The following U2SURP variants were observed in gnomAD, a reference collection of about 807,000 sequenced individuals.
The protein encoded by U2SURP is U2 snRNP associated SURP domain containing, also known as U2 snRNP-associated SURP motif-containing protein.
In U2SURP, 9 loss-of-function variants were observed where a neutral mutation model predicts 144.9. The ratio of observed to expected loss-of-function variants is 0.06; its 90% CI spans 0.04 to 0.11. The LOEUF is 0.11. U2SURP is among the 10% of genes least tolerant of loss of function. The pLI, the probability that U2SURP is intolerant of heterozygous loss-of-function variation, is 1.00. For missense variants in U2SURP, 724 were observed against 1,226.7 expected, an observed-to-expected ratio of 0.59 and a Z score of 6.12; for synonymous variants, 408 against 396.8, an observed-to-expected ratio of 1.03 and a Z score of -0.33.
At chr3:143,034,663 A>ATT (rs1458813986) in intron 18 of U2SURP, 2 of 387,528 alleles carry the variant, frequency 5.2e-6, no homozygotes, top group African/African-American at 4.2e-5. Flanking sequence ...TCGTAAAGGG[A>ATT]ACTAGTAGGG....
rs773941962 is a variant in U2SURP, at chr3:143,036,119, TTTGTCTG to T, written c.2064+16_2064+22del. The T allele has an allele frequency of 5.7e-6, 9 of 1,584,684 alleles. No individual in the cohort carries two copies. In the African/African-American group the frequency reaches 1.1e-4, roughly 19 times the overall value. On this transcript the variant is annotated intron_variant, in intron 20 of 27. Coordinates refer to ENST00000473835, the MANE Select transcript of U2SURP (RefSeq NM_001080415.2). ...AGGAAACAGAGGTAGGCAGTCTGTA[TTTGTCTG>T]GTTGTTTTTAAAATTCGTTTCTGGG... is the stretch of plus-strand genomic sequence containing the variant.
intron 12 of U2SURP, among the ~76,000 whole-genome samples, chr3:143,023,692 T>G (rs923253742): frequency 2.6e-5 from 4 of 152,204 alleles, no homozygotes; most frequent in Non-Finnish European, 5.9e-5. Context: ...ATTAAAATCT[T>G]TATCTGATAA....
intron 13 of U2SURP, chr3:143,026,894 A>G (rs1445841096): frequency 1.5e-5 from 4 of 270,540 alleles, no homozygotes; most frequent in Non-Finnish European, 2.8e-5. Flanking sequence ...AAAATTAAAT[A>G]TTACTATGAG....
rs1935186628 is a variant in U2SURP, at chr3:143,057,115, T to G, written c.*665T>G. On this transcript the variant is annotated 3_prime_UTR_variant, in exon 28 of 28. Coordinates refer to ENST00000473835, the MANE Select transcript of U2SURP (RefSeq NM_001080415.2). Reference sequence around the variant, plus strand: ...AGGTAGATATGGCATGGCGTTTTGTTAGTGGAATGCCTGGCTAAAACATTT... The same window carrying G: ...AGGTAGATATGGCATGGCGTTTTGTGAGTGGAATGCCTGGCTAAAACATTT... The G allele has an allele frequency of 6.6e-6, 1 of 152,436 alleles. No individual in the cohort carries two copies. Among genetic ancestry groups the G allele is most frequent in the Non-Finnish European group, 1.5e-5 (1 of 67,928 alleles). The allele number at this position is 152,436 out of a possible 1,614,324, so 9.4% of individuals were successfully genotyped here. A position where few individuals can be genotyped will look rare whatever the true frequency, so the allele number is the denominator to read the frequency against.
chr3:143,053,876 C>T, intron 26 of U2SURP, 82 bp downstream of exon 26: 1 of 1,138,250 alleles, frequency 8.8e-7, no homozygotes, highest in East Asian at 2.6e-5. Flanking sequence ...TCATTGATGC[C>T]CGCAAACTGG....
At chr3:143,032,004 T>G (rs1343037506) in intron 16 of U2SURP, among the ~76,000 whole-genome samples, 1 of 152,188 alleles carries the variant, frequency 6.6e-6, no homozygotes, top group Non-Finnish European at 1.5e-5. Flanking sequence ...GTTGTCTGGC[T>G]GCTTTGGTGC....
chr3:143,052,593 A>C (rs1934943490), intron 25 of U2SURP, among the ~76,000 whole-genome samples: 2 of 152,176 alleles, frequency 1.3e-5, no homozygotes, highest in South Asian at 2.1e-4. Context: ...ACAGCCATGC[A>C]CCTTGACTTA....
intron 2 of U2SURP, chr3:143,011,807 G>A (rs967954020): frequency 2.2e-5 from 8 of 362,728 alleles, no homozygotes; most frequent in South Asian, 4.2e-5. Context: ...TAAGAAGTAC[G>A]TATAACACTT....
chr3:143,032,451 G>A (rs781588264), intron 16 of U2SURP, among the ~76,000 whole-genome samples: 8 of 152,198 alleles, frequency 5.3e-5, no homozygotes, highest in Non-Finnish European at 1.0e-4. Flanking sequence ...TTCAAAGAAG[G>A]GGAGTAAAGA....
intron 13 of U2SURP, among the ~76,000 whole-genome samples, chr3:143,024,297 G>C (rs1390944116): frequency 1.3e-5 from 2 of 152,112 alleles, no homozygotes; most frequent in East Asian, 3.9e-4. Flanking sequence ...TCAGACAATA[G>C]ACTATTGTCA....
intron 6 of U2SURP, among the ~76,000 whole-genome samples, chr3:143,018,422 A>G (rs1284202805): frequency 6.6e-6 from 1 of 152,194 alleles, no homozygotes; most frequent in East Asian, 1.9e-4. Context: ...TGGACATACC[A>G]TATATTGTTT....
At chr3:143,006,385 G>A (rs1185400092) in intron 1 of U2SURP, among the ~76,000 whole-genome samples, 1 of 152,198 alleles carries the variant, frequency 6.6e-6, no homozygotes, top group Non-Finnish European at 1.5e-5. Flanking sequence ...GTTCTGACAA[G>A]TCAAGTATAT....
rs1935333342 is a variant in U2SURP at position 143,060,690 on chromosome 3, T to C, written c.*4240T>C. 1 of 152,008 alleles carries C rather than the reference T, an allele frequency of 6.6e-6. No individual in the cohort carries two copies. The highest frequency in any genetic ancestry group is 2.4e-5 in the African/African-American group (1 of 41,444). The allele number at this position is 152,008 out of a possible 1,614,324, so 9.4% of individuals were successfully genotyped here. A position where few individuals can be genotyped will look rare whatever the true frequency, so the allele number is the denominator to read the frequency against. On this transcript the variant is annotated 3_prime_UTR_variant, in exon 28 of 28. Coordinates refer to ENST00000473835, the MANE Select transcript of U2SURP (RefSeq NM_001080415.2). Reference sequence around the variant, plus strand: ...TGGCTAAAATGTTACACTTTACATGTTTAAACTATAATCATATGTTTTCAT... The same window carrying C: ...TGGCTAAAATGTTACACTTTACATGCTTAAACTATAATCATATGTTTTCAT...
chr3:143,055,168 C>A, intron 27 of U2SURP, 49 bp downstream of exon 27: 3 of 1,404,670 alleles, frequency 2.1e-6, no homozygotes, highest in Non-Finnish European at 2.9e-6. Flanking sequence ...GTTTCCTTGT[C>A]ATTTCATCAG....
chr3:143,051,063 A>G lies in U2SURP; in HGVS notation c.2655+14A>G. On this transcript the variant is annotated intron_variant, in intron 25 of 27. Coordinates refer to ENST00000473835, the MANE Select transcript of U2SURP (RefSeq NM_001080415.2). The stretch of plus-strand genomic sequence containing the variant: ...CTTCTTCAACGAGTAAGGAATAAGT[A>G]TACCCAATAATACACATATTTTGAA... 7.0e-7 allele frequency: 1 copy of G among 1,426,430 alleles called. No homozygotes were observed. Among genetic ancestry groups the G allele is most frequent in the Non-Finnish European group, 9.7e-7 (1 of 1,026,676 alleles). 88.4% of individuals were successfully genotyped at this position (1,426,430 alleles called of 1,614,324 possible).
chr3:143,049,588 T>C (rs1439450298), intron 24 of U2SURP, among the ~76,000 whole-genome samples: 3 of 152,168 alleles, frequency 2.0e-5, no homozygotes, highest in African/African-American at 7.2e-5. Flanking sequence ...TGGAGGATCT[T>C]CCAGGTCCTC....
chr3:143,012,184 G>A (rs755445739), intron 2 of U2SURP, 38 bp from the exon 3 acceptor site: 10 of 1,600,002 alleles, frequency 6.2e-6, no homozygotes, highest in Admixed American at 1.7e-5. Flanking sequence ...GTATATATGT[G>A]TGGTTTGTTT....
At chr3:143,036,200 C>T in intron 20 of U2SURP, 96 bp downstream of exon 20, 2 of 1,315,780 alleles carry the variant, frequency 1.5e-6, no homozygotes, top group South Asian at 2.2e-5. Flanking sequence ...AGGTACATTT[C>T]TTTGTGAAAA....
intron 1 of U2SURP, chr3:143,002,169 G>C (rs527412123): frequency 4.9e-6 from 1 of 205,450 alleles, no homozygotes; most frequent in East Asian, 1.8e-4. Flanking sequence ...AGGACCACTA[G>C]GGCAAAGACA....
Sources: gnomAD v4.1 joint callset for allele counts (sites outside exome capture counted in the v4.1 genomes callset) on GRCh38, gnomAD v4.1.1 for gene constraint, MANE v1.5 for transcripts, NCBI Gene and HGNC (gene_info 2026-07-23, HGNC 2026-07-21) for gene names.